STARD13: variants seen among roughly 807,000 people sequenced by gnomAD.
STARD13 encodes the protein StAR related lipid transfer domain containing 13.
STARD13 carries 62 observed loss-of-function variants against 106.4 expected under a neutral mutation model. The ratio of observed to expected loss-of-function variants is 0.58; its 90% CI spans 0.48 to 0.72. STARD13 has a LOEUF of 0.72. STARD13 is among the 30% of genes least tolerant of loss of function. The pLI is 0.00. For synonymous variants in STARD13, 565 were observed against 553.0 expected (o/e 1.02, Z -0.31); for missense variants, 1,387 against 1,424.0 (o/e 0.97, Z 0.42).
intron 1 of STARD13, among the ~76,000 whole-genome samples, chr13:33,203,069 G>A (rs9569021): frequency 0.13 from 19,647 of 152,136 alleles, 1,402 homozygotes; most frequent in Non-Finnish European, 0.14. Flanking sequence ...TGTCATATGG[G>A]CCTCCCAACC....
chr13:33,264,745 C>T (rs1890812029), intron 1 of STARD13, among the ~76,000 whole-genome samples: 1 of 152,120 alleles, frequency 6.6e-6, no homozygotes, highest in Non-Finnish European at 1.5e-5. Flanking sequence ...TAGAGAACAA[C>T]CTGGCATTGA....
At chr13:33,195,558 C>T (rs796358878) in intron 1 of STARD13, among the ~76,000 whole-genome samples, 4 of 152,236 alleles carry the variant, frequency 2.6e-5, no homozygotes, top group South Asian at 2.1e-4. Flanking sequence ...CCAGATTTGC[C>T]GCATGGACAG....
intron 1 of STARD13, among the ~76,000 whole-genome samples, chr13:33,339,236 G>A (rs2077931924): frequency 6.6e-6 from 1 of 152,148 alleles, no homozygotes; most frequent in Non-Finnish European, 1.5e-5. Flanking sequence ...AACTGGTGGA[G>A]GCAGGATTCA....
At position 33,148,782 on chromosome 13, in the gene STARD13, T is replaced by C. The variant is rs142149246; in HGVS notation, c.324-6409A>G. Among the ~76,000 whole-genome samples, 407 of 152,372 alleles carry C rather than the reference T, an allele frequency of 2.7e-3. 4 individuals are homozygous for C. The highest frequency in any genetic ancestry group is 8.7e-3 in the African/African-American group (360 of 41,586). On this transcript the variant is annotated intron_variant, in intron 3 of 13. Coordinates refer to ENST00000336934, the MANE Select transcript of STARD13 (RefSeq NM_178006.4). ...CAAACCTGCACGTAGGTATTTATAG[T>C]AGCTTTTTCATAATTTTCAAAACTT... is the stretch of plus-strand genomic sequence containing the variant.
At chr13:33,166,318 A>C (rs1883308239) in intron 2 of STARD13, among the ~76,000 whole-genome samples, 1 of 151,732 alleles carries the variant, frequency 6.6e-6, no homozygotes, top group African/African-American at 2.4e-5. Context: ...GACACTTGTG[A>C]TTTTTTTTCA....
intron 1 of STARD13, among the ~76,000 whole-genome samples, chr13:33,274,636 G>A (rs77577414): frequency 5.9e-5 from 9 of 152,116 alleles, no homozygotes; most frequent in African/African-American, 1.7e-4. Context: ...AGATTGATCC[G>A]TTCACCCCTT....
the STARD13 span, among the ~76,000 whole-genome samples, chr13:33,515,117 T>C: frequency 6.6e-6 from 1 of 152,142 alleles, no homozygotes; most frequent in Non-Finnish European, 1.5e-5. Context: ...GCCAAATTAT[T>C]CAAATGTTCT....
the STARD13 span, among the ~76,000 whole-genome samples, chr13:33,464,051 A>G: frequency 1.6e-4 from 23 of 148,114 alleles, no homozygotes; most frequent in Middle Eastern, 6.5e-3. Context: ...ATGTATATGT[A>G]TATGTATATG....
intron 1 of STARD13, among the ~76,000 whole-genome samples, chr13:33,179,876 A>C (rs1200107688): frequency 2.6e-5 from 4 of 152,218 alleles, no homozygotes; most frequent in African/African-American, 2.4e-5. Context: ...TGGTTCTGCC[A>C]TAAACAACCC....
chr13:33,545,128 T>C, the STARD13 span, among the ~76,000 whole-genome samples: 1 of 152,110 alleles, frequency 6.6e-6, no homozygotes, highest in African/African-American at 2.4e-5. Flanking sequence ...GCTAAAATTT[T>C]GTATTTTCCT....
At chr13:33,198,875 G>A (rs1011121115) in intron 1 of STARD13, among the ~76,000 whole-genome samples, 3 of 152,110 alleles carry the variant, frequency 2.0e-5, no homozygotes, top group African/African-American at 4.8e-5. Context: ...GTTGAAAATC[G>A]CCACCTTCCT....
chr13:33,405,961 C>T, the STARD13 span, among the ~76,000 whole-genome samples: 1 of 152,152 alleles, frequency 6.6e-6, no homozygotes, highest in East Asian at 1.9e-4. Flanking sequence ...TTTTGTGTGT[C>T]GTCTTGTTTA....
chr13:33,514,462 T>C, the STARD13 span, among the ~76,000 whole-genome samples: 2 of 152,122 alleles, frequency 1.3e-5, no homozygotes, highest in Non-Finnish European at 2.9e-5. Flanking sequence ...CAGTTGCATC[T>C]GGCTCAGCCT....
intron 9 of STARD13, among the ~76,000 whole-genome samples, chr13:33,112,333 G>A (rs182205500): frequency 3.7e-4 from 56 of 152,258 alleles, no homozygotes; most frequent in African/African-American, 1.3e-3. Flanking sequence ...TCTGAGCCCC[G>A]TGAATTAGGG....
chr13:33,273,718 G>C (rs1221203203), intron 1 of STARD13, among the ~76,000 whole-genome samples: 1 of 152,190 alleles, frequency 6.6e-6, no homozygotes, highest in Non-Finnish European at 1.5e-5. Context: ...TAGTACGAGA[G>C]CTTAGTTTTT....
chr13:33,269,786 A>G (rs539255407), intron 1 of STARD13, among the ~76,000 whole-genome samples: 38 of 152,360 alleles, frequency 2.5e-4, no homozygotes, highest in African/African-American at 9.1e-4. Flanking sequence ...ATGAAGGTGA[A>G]AAATGAGAAG....
At chr13:33,662,240 C>T in the STARD13 span, among the ~76,000 whole-genome samples, 2 of 148,496 alleles carry the variant, frequency 1.3e-5, no homozygotes, top group South Asian at 2.1e-4. Flanking sequence ...ACAGCCTGGG[C>T]GACAGAGCAA....
chr13:33,350,942 C>T (rs1449213490), upstream of STARD13, among the ~76,000 whole-genome samples: 1 of 26,684 alleles, frequency 3.7e-5, no homozygotes, highest in East Asian at 0.045. Flanking sequence ...ACCACCTTCA[C>T]AACTACAACA....
the STARD13 span, among the ~76,000 whole-genome samples, chr13:33,612,438 G>A: frequency 6.6e-6 from 1 of 152,040 alleles, no homozygotes; most frequent in African/African-American, 2.4e-5. Flanking sequence ...AACCTGACCG[G>A]TCTGATCATC....
Sources: gnomAD v4.1 joint callset for allele counts (sites outside exome capture counted in the v4.1 genomes callset) on GRCh38, gnomAD v4.1.1 for gene constraint, MANE v1.5 for transcripts, NCBI Gene and HGNC (gene_info 2026-07-23, HGNC 2026-07-21) for gene names.